Variants in C4orf50 observed in about 807,000 individuals in gnomAD.
The protein encoded by C4orf50 is chromosome 4 open reading frame 50.
C4orf50 carries 80 observed loss-of-function variants against 77.2 expected under a neutral mutation model. The ratio of observed to expected loss-of-function variants is 1.04; its 90% CI spans 0.87 to 1.25. C4orf50 has a LOEUF of 1.25. Among genes scored for constraint, C4orf50 ranks in the 50% most tolerant of loss-of-function variants. The probability of loss-of-function intolerance (pLI) is 0.00; values close to 1 mark genes in which losing one functional copy is unlikely to be tolerated. For missense variants in C4orf50, 1,257 were observed against 1,152.9 expected (o/e 1.09, Z -1.31); for synonymous variants, 532 against 465.3 (o/e 1.14, Z -1.84).
rs144289927 is a variant in C4orf50, at chr4:5,989,905, A to G, written c.2141T>C (p.Leu714Pro). Residue 714 changes from leucine to proline, a missense_variant, in exon 28 of 34, where the codon CTG becomes CCG. Leu to Pro is a moderately conservative substitution (Grantham distance 98, BLOSUM62 -3). Coordinates refer to ENST00000531445, the Ensembl canonical transcript of C4orf50. ...CTCCAGGCTTCCTCCTTGCAGAAGCAGAGCATTTCCAAGCCACACTTGGTT... is the reference window on the plus strand; with the variant it reads ...CTCCAGGCTTCCTCCTTGCAGAAGCGGAGCATTTCCAAGCCACACTTGGTT... The G allele has an allele frequency of 6.4e-4, 913 of 1,431,340 alleles. 7 individuals are homozygous for G. The African/African-American group carries it at 8.7e-3, about 14-fold the overall frequency. The allele number at this position is 1,431,340 out of a possible 1,614,324, so 88.7% of individuals were successfully genotyped here.
chr4:5,978,918 T>G (rs956076175), intron 29 of C4orf50, among the ~76,000 whole-genome samples: 1 of 152,178 alleles, frequency 6.6e-6, no homozygotes, highest in African/African-American at 2.4e-5. Flanking sequence ...CATGGGCAAA[T>G]GAACATAAAA....
chr4:5,922,848 A>G (rs774882671), intron 7 of C4orf50, among the ~76,000 whole-genome samples: 2 of 152,174 alleles, frequency 1.3e-5, no homozygotes, highest in Admixed American at 6.5e-5. Flanking sequence ...TGGTCTCCTC[A>G]TTAGCTCTCT....
chr4:5,908,302 T>G lies in C4orf50; in HGVS notation c.*2475-10114A>C, dbSNP rs1716644048. On this transcript the variant is annotated intron_variant, in intron 7 of 7. Coordinates refer to the C4orf50 transcript ENST00000324058. The surrounding 1 kb of genome is among the most constrained non-coding windows in gnomAD (Gnocchi z 5.6). ...AAAGAGAGTCAGATGAAGGATCCAT[T>G]TGAGAAAGCTGACTGAGACATTATG... Among the ~76,000 whole-genome samples, 1 of 152,010 alleles carries G rather than the reference T, an allele frequency of 6.6e-6. No individual in the cohort carries two copies. The highest frequency in any genetic ancestry group is 2.1e-4 in the South Asian group (1 of 4,824).
chr4:5,955,462 C>A (rs1239218446), downstream of C4orf50, among the ~76,000 whole-genome samples: 1 of 152,176 alleles, frequency 6.6e-6, no homozygotes, highest in African/African-American at 2.4e-5. The surrounding 1 kb of genome is among the most constrained non-coding windows in gnomAD (Gnocchi z 5.1). Flanking sequence ...CACGTGATAC[C>A]TTTCAAGGCT....
chr4:5,975,139 C>CAAAAA lies in C4orf50; in HGVS notation c.3921+755_3921+759dup, dbSNP rs763836859. Among the ~76,000 whole-genome samples, 110 of 82,804 alleles carry CAAAAA rather than the reference C, an allele frequency of 1.3e-3. 14 individuals are homozygous for CAAAAA. The highest frequency in any genetic ancestry group is 1.9e-3 in the African/African-American group (47 of 24,500). 54.3% of individuals were successfully genotyped at this position (82,804 alleles called of 152,430 possible). A position where few individuals can be genotyped will look rare whatever the true frequency, so the allele number is the denominator to read the frequency against. ...TGGGCGACAGAGTGACACTCCATCT[C>CAAAAA]AAAAAAAAAAAAAAAAAAAAAAAAA... On this transcript the variant is annotated intron_variant, in intron 30 of 33. Transcript: ENST00000531445.
Position 6,008,989 on chromosome 4 carries a change from G to T in C4orf50, c.427-457C>A, listed in dbSNP as rs1204303149. Among the ~76,000 whole-genome samples, 1 of 152,196 alleles carries T rather than the reference G, an allele frequency of 6.6e-6. No individual in the cohort carries two copies. Among genetic ancestry groups the T allele is most frequent in the Non-Finnish European group, 1.5e-5 (1 of 68,042 alleles). ...AGGGTCAATGCTTGGCCCACCCAGG[G>T]TCAGCTGGCCCCAGCAGGTGAGTCG... On this transcript the variant is annotated intron_variant, in intron 24 of 33. Transcript: ENST00000531445. The surrounding 1 kb of genome is among the most constrained non-coding windows in gnomAD (Gnocchi z 6.0).
At position 5,989,988 on chromosome 4, in the gene C4orf50, ACTGT is replaced by A. The variant is rs1286108955; in HGVS notation, c.2054_2057del (p.Asp685ValfsTer41). 7 of 1,405,136 alleles carry A rather than the reference ACTGT, an allele frequency of 5.0e-6. No homozygotes were observed. The East Asian group carries it at 1.0e-4, about 20-fold the overall frequency. 87.0% of individuals were successfully genotyped at this position (1,405,136 alleles called of 1,614,324 possible). On this transcript the variant is annotated frameshift_variant, in exon 28 of 34. Transcript: ENST00000531445. LOFTEE classifies it high-confidence loss of function. ...CTCTGACTTTCCCTGCGAGGAGCTG[ACTGT>A]CTGTTGGCCATGGCTCTTTGGTCTC...
At position 6,011,811 on chromosome 4, in the gene C4orf50, AAGG is replaced by A. The variant is rs1434250592; in HGVS notation, c.426+16_426+18del. 1 of 399,000 alleles carries A rather than the reference AAGG, an allele frequency of 2.5e-6. No homozygotes were observed. The highest frequency in any genetic ancestry group is 4.4e-6 in the Non-Finnish European group (1 of 226,144). 24.7% of individuals were successfully genotyped at this position (399,000 alleles called of 1,614,324 possible). Reference sequence around the variant, plus strand: ...TGCTGGACAGGAAACAGGGCCTGGAAAGGAGAAGGAAACGGTACCTGGCTGGCC... The same window carrying A: ...TGCTGGACAGGAAACAGGGCCTGGAAAGAAGGAAACGGTACCTGGCTGGCC... On this transcript the variant is annotated intron_variant, in intron 24 of 33. Coordinates refer to ENST00000531445, the Ensembl canonical transcript of C4orf50. The surrounding 1 kb of genome is among the most constrained non-coding windows in gnomAD (Gnocchi z 4.2).
intron 33 of C4orf50, among the ~76,000 whole-genome samples, chr4:5,963,004 T>C (rs952500335): frequency 1.1e-4 from 2 of 17,654 alleles, no homozygotes; most frequent in African/African-American, 3.8e-4. Flanking sequence ...TCTTTTCTTT[T>C]TTTTTTTTTT....
In C4orf50 at chr4:5,944,196, T is replaced by A. The variant is rs537976629; in HGVS notation, c.*2474+12705A>T. Among the ~76,000 whole-genome samples the A allele has an allele frequency of 2.6e-5, 4 of 152,322 alleles. No homozygotes were observed. The South Asian group carries it at 8.3e-4, about 32-fold the overall frequency. The stretch of plus-strand genomic sequence containing the variant: ...CCATGGAGAGTCATAGTGGACAGTC[T>A]CTAAGCTCCCTTCTTCTCTCAAAGG... On this transcript the variant is annotated intron_variant, in intron 7 of 7. Coordinates refer to the C4orf50 transcript ENST00000324058.
chr4:5,988,477 A>G, exon 28 of C4orf50: 1 of 1,559,428 alleles, frequency 6.4e-7, no homozygotes, highest in Non-Finnish European at 8.6e-7. Context: ...GGCATTGGCT[A>G]CACCAGTGTT....
At chr4:5,985,537 A>G (rs1003085558) in intron 28 of C4orf50, among the ~76,000 whole-genome samples, 10 of 152,254 alleles carry the variant, frequency 6.6e-5, no homozygotes, top group African/African-American at 2.4e-4. Flanking sequence ...GTAACCACTA[A>G]AAGAATAATA....
At chr4:5,987,003 T>A (rs529362965) in intron 28 of C4orf50, among the ~76,000 whole-genome samples, 60 of 152,356 alleles carry the variant, frequency 3.9e-4, no homozygotes, top group African/African-American at 1.4e-3. Flanking sequence ...GAGAAATTTA[T>A]AGCTTTAATT....
chr4:5,987,882 C>G (rs997811344), intron 28 of C4orf50, among the ~76,000 whole-genome samples: 23 of 152,180 alleles, frequency 1.5e-4, no homozygotes, highest in African/African-American at 5.1e-4. Context: ...AAAGTCACAG[C>G]TCTGAAAGCA....
At chr4:5,974,861 G>A (rs777311684) in intron 30 of C4orf50, among the ~76,000 whole-genome samples, 4 of 152,078 alleles carry the variant, frequency 2.6e-5, no homozygotes, top group Non-Finnish European at 4.4e-5. Context: ...TACATTGGCC[G>A]GGTACGGTGG....
Position 5,905,428 on chromosome 4 carries a change from T to G in C4orf50, c.*2475-7240A>C, listed in dbSNP as rs1716506163. 6.6e-6 allele frequency: 1 copy of G among 152,246 alleles called. No homozygotes were observed. The highest frequency in any genetic ancestry group is 1.5e-5 in the Non-Finnish European group (1 of 68,042). 9.4% of individuals were successfully genotyped at this position (152,246 alleles called of 1,614,324 possible). On this transcript the variant is annotated intron_variant, in intron 7 of 7. Transcript: ENST00000324058. The surrounding 1 kb of genome is among the most constrained non-coding windows in gnomAD (Gnocchi z 5.4). ...TAAATATTTTCCAGCTTGCTATGTTTGCCCCTGTGCTGTCTTCCTTCCTGC... is the reference window on the plus strand; with the variant it reads ...TAAATATTTTCCAGCTTGCTATGTTGGCCCCTGTGCTGTCTTCCTTCCTGC...
At chr4:5,959,263 T>C in exon 34 of C4orf50, 2 of 1,274,096 alleles carry the variant, frequency 1.6e-6, no homozygotes, top group East Asian at 4.7e-5. Flanking sequence ...CAAAACCACT[T>C]GCCACTAAAT....
rs866452980 is a variant in C4orf50, at chr4:6,004,373, T to C, written c.963+3623A>G. On this transcript the variant is annotated intron_variant, in intron 25 of 33. Transcript: ENST00000531445. ...ATGACGGTGATGGTGATGATGGTGATGGTGATGATGGTGATGGTGGTGATG... is the reference window on the plus strand; with the variant it reads ...ATGACGGTGATGGTGATGATGGTGACGGTGATGATGGTGATGGTGGTGATG... Among the ~76,000 whole-genome samples the C allele has an allele frequency of 1.2e-4, 15 of 125,654 alleles. 1 individual carries two copies. Among genetic ancestry groups the C allele is most frequent in the African/African-American group, 4.2e-4 (15 of 35,684 alleles). The allele number at this position is 125,654 out of a possible 152,430, so 82.4% of individuals were successfully genotyped here.
At chr4:5,941,050 C>T (rs1375742964) in intron 7 of C4orf50, among the ~76,000 whole-genome samples, 2 of 152,194 alleles carry the variant, frequency 1.3e-5, no homozygotes, top group Admixed American at 6.5e-5. Context: ...AATGTGTATA[C>T]ATGAATATAT....
Sources: gnomAD v4.1 joint callset for allele counts (sites outside exome capture counted in the v4.1 genomes callset) on GRCh38, gnomAD v4.1.1 for gene constraint, Gnocchi (gnomAD v3.1) non-coding constraint, MANE v1.5 for transcripts, NCBI Gene and HGNC (gene_info 2026-07-23, HGNC 2026-07-21) for gene names.